The following P4HA2 variants were observed in gnomAD, a reference collection of about 807,000 sequenced individuals.
The protein encoded by P4HA2 is prolyl 4-hydroxylase subunit alpha 2.
A neutral mutation model predicts 76.9 loss-of-function variants in P4HA2; 46 were observed. The observed-to-expected ratio is 0.60, with a 90% confidence interval of 0.47 to 0.76. The LOEUF (loss-of-function observed/expected upper bound fraction) is 0.76. P4HA2 is among the 30% of genes least tolerant of loss of function. The pLI, the probability that P4HA2 is intolerant of heterozygous loss-of-function variation, is 0.00. For synonymous variants in P4HA2, 243 were observed against 254.0 expected (o/e 0.96, Z 0.41); for missense variants, 583 against 669.4 (o/e 0.87, Z 1.42).
At chr5:132,203,511 G>T in intron 10 of P4HA2, 1 of 523,230 alleles carries the variant, frequency 1.9e-6, no homozygotes, top group Non-Finnish European at 3.5e-6. Context: ...CTGATCCCTA[G>T]CTTGCAGCAC....
rs1018008241 is a variant in P4HA2 at position 132,218,644 on chromosome 5, T to C, written c.-18A>G. Reference sequence around the variant, plus strand: ...AGTTTCATGGTCACAGAGGGAAGTGTCTGAAAGGCATTCAATGACAATCAC... The same window carrying C: ...AGTTTCATGGTCACAGAGGGAAGTGCCTGAAAGGCATTCAATGACAATCAC... On this transcript the variant is annotated splice_region_variant and 5_prime_UTR_variant, in exon 2 of 15. Coordinates refer to ENST00000360568, the MANE Select transcript of P4HA2 (RefSeq NM_001017974.2). 4 of 1,589,642 alleles carry C rather than the reference T, an allele frequency of 2.5e-6. No homozygotes were observed. Among genetic ancestry groups the C allele is most frequent in the Non-Finnish European group, 3.5e-6 (4 of 1,157,956 alleles).
chr5:132,212,104 A>T (rs564912776), intron 5 of P4HA2, among the ~76,000 whole-genome samples: 59 of 152,322 alleles, frequency 3.9e-4, no homozygotes, highest in African/African-American at 1.4e-3. Context: ...CCTAGCTGAC[A>T]TGGGTAAAGG....
intron 6 of P4HA2, among the ~76,000 whole-genome samples, chr5:132,209,865 C>T (rs960638869): frequency 4.0e-5 from 6 of 151,764 alleles, no homozygotes; most frequent in African/African-American, 1.2e-4. Flanking sequence ...AGTATCAATG[C>T]CATATGAAGT....
chr5:132,216,256 C>T (rs937319729), intron 4 of P4HA2, among the ~76,000 whole-genome samples: 29 of 151,324 alleles, frequency 1.9e-4, no homozygotes, highest in Non-Finnish European at 4.0e-4. Flanking sequence ...CCCACCGTAC[C>T]ATCTCTTCTT....
At chr5:132,218,034 T>G (rs1754169677) in intron 2 of P4HA2, 186 bp from the exon 3 acceptor site, 4 of 514,060 alleles carry the variant, frequency 7.8e-6, no homozygotes, top group Non-Finnish European at 1.0e-5. Context: ...TCTCGCAACT[T>G]CAGGAAGAAA....
At chr5:132,227,300 G>C (rs1755531255) in intron 1 of P4HA2, 1 of 152,280 alleles carries the variant, frequency 6.6e-6, no homozygotes, top group South Asian at 2.1e-4. Context: ...CCCATCTAAT[G>C]GGCTCCAAGC....
At chr5:132,220,237 G>C (rs959378054) in intron 1 of P4HA2, among the ~76,000 whole-genome samples, 1 of 152,214 alleles carries the variant, frequency 6.6e-6, no homozygotes, top group African/African-American at 2.4e-5. Flanking sequence ...CTCTATCCCA[G>C]GATTTCAGAA....
intron 8 of P4HA2, among the ~76,000 whole-genome samples, chr5:132,205,681 CTG>C (rs1000018012): frequency 6.6e-6 from 1 of 152,178 alleles, no homozygotes; most frequent in African/African-American, 2.4e-5. Flanking sequence ...AACTTGGACA[CTG>C]TGCTGCTATG....
chr5:132,220,466 G>A (rs1311864486), intron 1 of P4HA2, among the ~76,000 whole-genome samples: 2 of 152,218 alleles, frequency 1.3e-5, no homozygotes, highest in Admixed American at 6.5e-5. Context: ...GCCCAGGCAG[G>A]TTCCAAACCA....
chr5:132,201,889 C>T (rs555500545), intron 10 of P4HA2: 4 of 152,390 alleles, frequency 2.6e-5, no homozygotes, highest in African/African-American at 9.6e-5. Flanking sequence ...CCTGTCTACT[C>T]AGCCTCTTGG....
intron 1 of P4HA2, among the ~76,000 whole-genome samples, chr5:132,226,061 T>C (rs1376199455): frequency 6.6e-6 from 1 of 152,182 alleles, no homozygotes; most frequent in Non-Finnish European, 1.5e-5. Context: ...CCAGAGAGAC[T>C]GGGCGCTGAG....
intron 12 of P4HA2, among the ~76,000 whole-genome samples, chr5:132,196,817 C>T (rs927073788): frequency 9.5e-5 from 14 of 146,992 alleles, no homozygotes; most frequent in African/African-American, 1.3e-4. Flanking sequence ...GCTGAGATAG[C>T]GCCACTGCAC....
In P4HA2 at chr5:132,191,036, T is replaced by C. The variant is rs1034335240; in HGVS notation, c.*1974A>G. ...ACTGGAAAGTCCGAGATCAAGATGCTAGTAGGTTTGTTTCTGGTAAGGGCC... is the reference window on the plus strand; with the variant it reads ...ACTGGAAAGTCCGAGATCAAGATGCCAGTAGGTTTGTTTCTGGTAAGGGCC... On this transcript the variant is annotated 3_prime_UTR_variant, in exon 15 of 15. Coordinates refer to ENST00000360568, the MANE Select transcript of P4HA2 (RefSeq NM_001017974.2). Among the ~76,000 whole-genome samples the C allele has an allele frequency of 6.6e-6, 1 of 152,222 alleles. No individual in the cohort carries two copies. Among genetic ancestry groups the C allele is most frequent in the Non-Finnish European group, 1.5e-5 (1 of 68,042 alleles).
intron 1 of P4HA2, chr5:132,221,941 C>T (rs1021281823): frequency 2.6e-5 from 4 of 152,192 alleles, no homozygotes; most frequent in Admixed American, 2.6e-4. Flanking sequence ...ACCAGAGGTC[C>T]CACCAAACCT....
rs906126719 is a variant in P4HA2, at chr5:132,191,661, T to C, written c.*1349A>G. On this transcript the variant is annotated 3_prime_UTR_variant, in exon 15 of 15. Coordinates refer to ENST00000360568, the MANE Select transcript of P4HA2 (RefSeq NM_001017974.2). The stretch of plus-strand genomic sequence containing the variant: ...GATTGGGGTAATAACTCTCATTTAC[T>C]CCTGGTGAGAATGTGTATAACCACC... 2.0e-5 allele frequency among the ~76,000 whole-genome samples: 3 copies of C among 152,206 alleles called. No homozygotes were observed. The highest frequency in any genetic ancestry group is 4.4e-5 in the Non-Finnish European group (3 of 68,038).
chr5:132,218,927 C>T (rs946997136), intron 1 of P4HA2, among the ~76,000 whole-genome samples: 1 of 152,192 alleles, frequency 6.6e-6, no homozygotes, highest in East Asian at 1.9e-4. Context: ...AAGGCGGAAT[C>T]GCAGTGGGGT....
At chr5:132,227,721 CGCCT>C (rs1431805654) in intron 1 of P4HA2, 65 bp downstream of exon 1, 3 of 152,206 alleles carry the variant, frequency 2.0e-5, no homozygotes, top group Non-Finnish European at 4.4e-5. Flanking sequence ...CAGAACGCAC[CGCCT>C]GGCGACCCCA....
intron 1 of P4HA2, among the ~76,000 whole-genome samples, chr5:132,224,582 C>T (rs952324967): frequency 1.3e-5 from 2 of 152,286 alleles, no homozygotes; most frequent in East Asian, 3.9e-4. Context: ...AGGAGCACCA[C>T]AAGAAATGAA....
chr5:132,203,402 C>A lies in P4HA2; in HGVS notation c.1251+346G>T, dbSNP rs111237197. 2.8e-5 allele frequency: 7 copies of A among 248,000 alleles called. No homozygotes were observed. The South Asian group carries it at 2.9e-4, about 10-fold the overall frequency. The allele number at this position is 248,000 out of a possible 1,614,324, so 15.4% of individuals were successfully genotyped here. ...TGATTATGACACAGAACCATGGCCT[C>A]TGAAGTCATTTTTAGCTCTCTTAGA... On this transcript the variant is annotated intron_variant, in intron 10 of 14. Transcript: ENST00000360568.
Sources: gnomAD v4.1 joint callset for allele counts (sites outside exome capture counted in the v4.1 genomes callset) on GRCh38, gnomAD v4.1.1 for gene constraint, MANE v1.5 for transcripts, NCBI Gene and HGNC (gene_info 2026-07-23, HGNC 2026-07-21) for gene names.